The following CDYL variants were observed in gnomAD, a reference collection of about 807,000 sequenced individuals.
CDYL encodes chromodomain Y-like protein.
CDYL carries 8 observed loss-of-function variants against 47.3 expected under a neutral mutation model. The ratio of observed to expected loss-of-function variants is 0.17; its 90% CI spans 0.10 to 0.31. The LOEUF is 0.31. Among genes scored for constraint, CDYL ranks in the 10% least tolerant of loss-of-function variants. The probability of loss-of-function intolerance (pLI) is 1.00; values close to 1 mark genes in which losing one functional copy is unlikely to be tolerated. For synonymous variants in CDYL, 266 were observed against 265.0 expected, an observed-to-expected ratio of 1.00 and a Z score of -0.04; for missense variants, 471 against 701.4, an observed-to-expected ratio of 0.67 and a Z score of 3.71.
intron 1 of CDYL, among the ~76,000 whole-genome samples, chr6:4,810,579 T>C (rs1477719975): frequency 6.6e-6 from 1 of 152,224 alleles, no homozygotes; most frequent in Non-Finnish European, 1.5e-5. Context: ...CACATCTCAG[T>C]TTTGACTTGC....
At chr6:4,910,959 G>A (rs1049717888) in intron 2 of CDYL, among the ~76,000 whole-genome samples, 8 of 151,874 alleles carry the variant, frequency 5.3e-5, no homozygotes, top group African/African-American at 9.7e-5. Context: ...TCAGCCTCCC[G>A]AGTAGCTGGG....
At chr6:4,727,262 A>G (rs956715428) in intron 2 of CDYL, among the ~76,000 whole-genome samples, 3 of 152,282 alleles carry the variant, frequency 2.0e-5, no homozygotes, top group Admixed American at 6.5e-5. Flanking sequence ...TGTAATCTAA[A>G]TCAATAAGTA....
intron 3 of CDYL, among the ~76,000 whole-genome samples, chr6:4,757,077 G>A (rs114461917): frequency 0.022 from 3,381 of 152,258 alleles, 86 homozygotes; most frequent in African/African-American, 0.057. Context: ...TGATTGACAT[G>A]AATAAATATA....
intron 2 of CDYL, among the ~76,000 whole-genome samples, chr6:4,722,496 A>G (rs1757389517): frequency 6.6e-6 from 1 of 152,220 alleles, no homozygotes; most frequent in African/African-American, 2.4e-5. Context: ...CCAAGTAAAG[A>G]TTTTTAAAAA....
chr6:4,724,260 C>T (rs557727862), intron 2 of CDYL, among the ~76,000 whole-genome samples: 6 of 151,824 alleles, frequency 4.0e-5, no homozygotes, highest in Admixed American at 3.9e-4. Flanking sequence ...TATGTTGGCC[C>T]GGCTGGTCTC....
chr6:4,857,961 G>A (rs183236209), intron 1 of CDYL, among the ~76,000 whole-genome samples: 2 of 152,132 alleles, frequency 1.3e-5, no homozygotes, highest in Admixed American at 6.5e-5. Flanking sequence ...TGCCAAGTTG[G>A]ATTGTATCCT....
chr6:4,949,080 C>T (rs977557795), intron 5 of CDYL, among the ~76,000 whole-genome samples: 1 of 152,258 alleles, frequency 6.6e-6, no homozygotes, highest in African/African-American at 2.4e-5. Flanking sequence ...GCTGTGTGGC[C>T]TCTCCTTTCT....
At chr6:4,931,660 T>C (rs577771944) in intron 2 of CDYL, among the ~76,000 whole-genome samples, 1 of 152,272 alleles carries the variant, frequency 6.6e-6, no homozygotes. Flanking sequence ...TCTACCTAAA[T>C]AGTGCAAAGT....
chr6:4,724,187 T>C (rs748988151), intron 2 of CDYL, among the ~76,000 whole-genome samples: 7 of 152,030 alleles, frequency 4.6e-5, no homozygotes, highest in African/African-American at 1.2e-4. Flanking sequence ...ACCACAGGCA[T>C]GTGCCATCAC....
At chr6:4,909,405 A>G (rs1385498343) in intron 2 of CDYL, among the ~76,000 whole-genome samples, 1 of 152,082 alleles carries the variant, frequency 6.6e-6, no homozygotes. Flanking sequence ...TCTGCTGCTC[A>G]CCATTGCCAC....
chr6:4,758,968 CT>C (rs753662724), intron 3 of CDYL, among the ~76,000 whole-genome samples: 212 of 131,894 alleles, frequency 1.6e-3, no homozygotes, highest in Non-Finnish European at 2.2e-3. Flanking sequence ...TTTTCTTTTT[CT>C]TTTTTTTTTT....
In CDYL at chr6:4,891,122, T is replaced by C. The variant is rs558619991; in HGVS notation, c.25-591T>C. ...TGAAAGATGTTAGTGTAAAATTAATTAAAACCAAGATTTGAAAATAACCTG... is the reference window on the plus strand; with the variant it reads ...TGAAAGATGTTAGTGTAAAATTAATCAAAACCAAGATTTGAAAATAACCTG... On this transcript the variant is annotated intron_variant, in intron 1 of 6. Transcript: ENST00000397588. 1.4e-3 allele frequency among the ~76,000 whole-genome samples: 215 copies of C among 152,380 alleles called. 1 individual carries two copies. Among genetic ancestry groups the C allele is most frequent in the African/African-American group, 5.0e-3 (208 of 41,596 alleles).
At chr6:4,783,938 T>A (rs1471768064) in intron 1 of CDYL, among the ~76,000 whole-genome samples, 6 of 152,220 alleles carry the variant, frequency 3.9e-5, no homozygotes, top group Non-Finnish European at 1.5e-5. Flanking sequence ...CTTCAAATAC[T>A]CCTTCTCTGT....
At chr6:4,945,850 G>GTTC (rs1758497769) in intron 5 of CDYL, among the ~76,000 whole-genome samples, 2 of 152,258 alleles carry the variant, frequency 1.3e-5, no homozygotes, top group Admixed American at 1.3e-4. Context: ...TGAGGCTGGT[G>GTTC]TTCTGGTCAC....
At chr6:4,943,930 C>T (rs759522746) in intron 5 of CDYL, 174 bp downstream of exon 5, 50 of 525,492 alleles carry the variant, frequency 9.5e-5, no homozygotes, top group Non-Finnish European at 1.3e-4. Context: ...GCATCATTCC[C>T]TAGAGAAGGA....
chr6:4,884,736 C>G (rs1561686182), intron 1 of CDYL, among the ~76,000 whole-genome samples: 1 of 152,100 alleles, frequency 6.6e-6, no homozygotes, highest in Admixed American at 6.5e-5. Flanking sequence ...TTTGGGATCC[C>G]CAAGCTCAGG....
intron 3 of CDYL, among the ~76,000 whole-genome samples, chr6:4,766,066 A>G (rs982857994): frequency 1.3e-5 from 2 of 152,224 alleles, no homozygotes; most frequent in Non-Finnish European, 2.9e-5. Flanking sequence ...CGTATTTTCA[A>G]TAATTAAAAT....
At chr6:4,847,119 C>T (rs561093723) in intron 1 of CDYL, among the ~76,000 whole-genome samples, 1 of 152,318 alleles carries the variant, frequency 6.6e-6, no homozygotes, top group African/African-American at 2.4e-5. Flanking sequence ...AGGAATGCCA[C>T]CAGTGGCCCT....
At chr6:4,841,891 A>G (rs1370982557) in intron 1 of CDYL, among the ~76,000 whole-genome samples, 3 of 150,660 alleles carry the variant, frequency 2.0e-5, no homozygotes, top group Admixed American at 6.6e-5. Flanking sequence ...AAAATGTTCT[A>G]TAAATATCTG....
Sources: allele counts gnomAD v4.1 joint callset (sites outside exome capture counted in the v4.1 genomes callset), GRCh38; gene constraint gnomAD v4.1.1; transcripts MANE v1.5; gene names NCBI Gene and HGNC (gene_info 2026-07-23, HGNC 2026-07-21).